ZNF148: variants seen among roughly 807,000 people sequenced by gnomAD.
ZNF148 encodes the protein Beta-Enolase Repressor Factor-1.
Under a neutral mutation model 67.7 loss-of-function variants are expected in ZNF148, and 7 were observed. That is an observed-to-expected ratio of 0.10 (90% CI 0.06 to 0.19). The LOEUF (loss-of-function observed/expected upper bound fraction) is 0.19, where lower values mean the gene tolerates loss of function less well. Ranked by LOEUF, ZNF148 falls within the 10% of genes least tolerant of loss-of-function variation. The probability of loss-of-function intolerance (pLI) is 1.00; values close to 1 mark genes in which losing one functional copy is unlikely to be tolerated. For missense variants in ZNF148, 583 were observed against 947.1 expected, an observed-to-expected ratio of 0.62 and a Z score of 5.05; for synonymous variants, 333 against 330.7, an observed-to-expected ratio of 1.01 and a Z score of -0.08.
intron 7 of ZNF148, among the ~76,000 whole-genome samples, chr3:125,257,915 T>C (rs1937159336): frequency 6.6e-6 from 1 of 152,198 alleles, no homozygotes; most frequent in Non-Finnish European, 1.5e-5. Flanking sequence ...TTTATAGTGT[T>C]CCTTCTAGTC....
intron 5 of ZNF148, among the ~76,000 whole-genome samples, chr3:125,280,229 T>G (rs1382214012): frequency 6.6e-6 from 1 of 151,680 alleles, no homozygotes; most frequent in Non-Finnish European, 1.5e-5. Context: ...AAAATAGAAG[T>G]GGGTAAAAAG....
At chr3:125,248,063 T>C (rs763482296) in intron 7 of ZNF148, among the ~76,000 whole-genome samples, 3 of 152,152 alleles carry the variant, frequency 2.0e-5, no homozygotes, top group Non-Finnish European at 4.4e-5. Flanking sequence ...ATAATTGATG[T>C]TCCAATGATG....
chr3:125,301,366 T>C (rs1180723502), intron 4 of ZNF148, among the ~76,000 whole-genome samples: 14 of 152,204 alleles, frequency 9.2e-5, no homozygotes. Context: ...AGCTGGCCTA[T>C]ATTTTGCTGT....
chr3:125,278,975 G>A, intron 6 of ZNF148, 149 bp downstream of exon 6: 1 of 793,982 alleles, frequency 1.3e-6, no homozygotes, highest in Non-Finnish European at 1.8e-6. Flanking sequence ...GTTTTTCCTG[G>A]TTTCCTTCTG....
intron 2 of ZNF148, among the ~76,000 whole-genome samples, chr3:125,324,446 A>G (rs1198446663): frequency 2.0e-5 from 3 of 152,252 alleles, no homozygotes; most frequent in African/African-American, 7.2e-5. Context: ...AAAGATAGAT[A>G]AAATCATATG....
intron 7 of ZNF148, among the ~76,000 whole-genome samples, chr3:125,239,751 C>T (rs759108186): frequency 4.6e-5 from 7 of 152,058 alleles, no homozygotes; most frequent in Admixed American, 3.9e-4. Context: ...AAAGAGGAAA[C>T]GGCCCAAATG....
At chr3:125,298,527 C>T (rs978463961) in intron 4 of ZNF148, among the ~76,000 whole-genome samples, 2 of 151,438 alleles carry the variant, frequency 1.3e-5, no homozygotes, top group South Asian at 2.1e-4. Context: ...CCACAAGATG[C>T]GTCATTAAAT....
intron 4 of ZNF148, among the ~76,000 whole-genome samples, chr3:125,300,327 C>A (rs1433771914): frequency 6.6e-6 from 1 of 152,066 alleles, no homozygotes; most frequent in Non-Finnish European, 1.5e-5. Flanking sequence ...AAAGACAATG[C>A]AATCACTTCA....
At chr3:125,328,899 A>AT (rs1180933116) in intron 2 of ZNF148, among the ~76,000 whole-genome samples, 2 of 152,002 alleles carry the variant, frequency 1.3e-5, no homozygotes, top group African/African-American at 4.8e-5. Flanking sequence ...GACTACTGAT[A>AT]TTTGGCCTTC....
chr3:125,369,100 TA>T (rs1942789756), intron 1 of ZNF148, among the ~76,000 whole-genome samples: 1 of 150,026 alleles, frequency 6.7e-6, no homozygotes, highest in East Asian at 2.0e-4. Context: ...TGTCTCTACT[TA>T]AAATACAAAA....
chr3:125,247,308 A>G (rs1325370821), intron 7 of ZNF148, among the ~76,000 whole-genome samples: 1 of 152,218 alleles, frequency 6.6e-6, no homozygotes, highest in Non-Finnish European at 1.5e-5. Context: ...CTCCCCAAAA[A>G]GAAAGTTTAA....
intron 1 of ZNF148, among the ~76,000 whole-genome samples, chr3:125,332,822 T>C (rs1463175569): frequency 1.3e-5 from 2 of 152,224 alleles, no homozygotes; most frequent in Non-Finnish European, 2.9e-5. Context: ...TAAATTTAAT[T>C]TGTCTAAAAT....
intron 7 of ZNF148, among the ~76,000 whole-genome samples, chr3:125,266,719 T>C (rs1162424247): frequency 1.3e-5 from 2 of 150,864 alleles, no homozygotes; most frequent in East Asian, 2.0e-4. Flanking sequence ...GAAAACAGAG[T>C]AGAAATGAAA....
chr3:125,276,377 C>T (rs1479407895), intron 7 of ZNF148, among the ~76,000 whole-genome samples: 1 of 151,950 alleles, frequency 6.6e-6, no homozygotes, highest in African/African-American at 2.4e-5. Context: ...AGTAGAACAT[C>T]CAAGCATACA....
rs145180645 is a variant in ZNF148, at chr3:125,324,632, TCCTTCACA to T, written c.-152-1196_-152-1189del. ...TCTATCAAGAATAGTTCACATACAC[TCCTTCACA>T]AGAAGTGTGGAGACCAGATGATACA... On this transcript the variant is annotated intron_variant, in intron 2 of 8. Transcript: ENST00000360647. Among the ~76,000 whole-genome samples the T allele has an allele frequency of 5.4e-3, 821 of 152,306 alleles. 5 individuals carry two copies. Among genetic ancestry groups the T allele is most frequent in the African/African-American group, 0.019 (775 of 41,556 alleles).
At chr3:125,244,272 T>TA (rs1172255286) in intron 7 of ZNF148, among the ~76,000 whole-genome samples, 2 of 152,166 alleles carry the variant, frequency 1.3e-5, no homozygotes, top group African/African-American at 4.8e-5. Flanking sequence ...AATATATGGG[T>TA]AACTGTTAAG....
intron 1 of ZNF148, among the ~76,000 whole-genome samples, chr3:125,353,668 TGTTCTTGAACTCCTGA>T (rs969912429): frequency 3.4e-4 from 52 of 152,188 alleles, no homozygotes; most frequent in Middle Eastern, 6.8e-3. Context: ...TTTCCTAGGC[TGTTCTTGAACTCCTGA>T]GTTCAAGAGA....
chr3:125,232,267 A>G lies in ZNF148; in HGVS notation c.*74T>C. The stretch of plus-strand genomic sequence containing the variant: ...TGCTCTTAAATCTGTACAGCACTCC[A>G]TTTACACAGAGTAACCCCACTCTTG... On this transcript the variant is annotated 3_prime_UTR_variant, in exon 9 of 9. Coordinates refer to ENST00000360647, the MANE Select transcript of ZNF148 (RefSeq NM_021964.3). The surrounding 1 kb of genome is among the most constrained non-coding windows in gnomAD (Gnocchi z 4.2). The G allele has an allele frequency of 6.7e-7, 1 of 1,482,216 alleles. No homozygotes were observed. Among genetic ancestry groups the G allele is most frequent in the Non-Finnish European group, 9.0e-7 (1 of 1,112,356 alleles). The allele number at this position is 1,482,216 out of a possible 1,614,324, so 91.8% of individuals were successfully genotyped here.
chr3:125,312,239 A>G (rs1325243161), intron 4 of ZNF148, among the ~76,000 whole-genome samples: 1 of 152,224 alleles, frequency 6.6e-6, no homozygotes, highest in Non-Finnish European at 1.5e-5. Flanking sequence ...TACCACAAAC[A>G]AGCAGGATTT....
Sources: allele counts gnomAD v4.1 joint callset (sites outside exome capture counted in the v4.1 genomes callset), GRCh38; gene constraint gnomAD v4.1.1; non-coding constraint Gnocchi (gnomAD v3.1); transcripts MANE v1.5; gene names NCBI Gene and HGNC (gene_info 2026-07-23, HGNC 2026-07-21).